RFTN2: variants seen among roughly 807,000 people sequenced by gnomAD.
The protein encoded by RFTN2 is raftlin family member 2.
Under a neutral mutation model 52.7 loss-of-function variants are expected in RFTN2, and 34 were observed. The observed-to-expected ratio is 0.64, with a 90% CI of 0.49 to 0.86. RFTN2 has a LOEUF of 0.86. Among genes scored for constraint, RFTN2 ranks in the 40% least tolerant of loss-of-function variants. The pLI is 0.00. For synonymous variants in RFTN2, 203 were observed against 217.7 expected (o/e 0.93, Z 0.59); for missense variants, 536 against 600.1 (o/e 0.89, Z 1.12).
At chr2:197,593,042 C>T (rs1006546396) in intron 8 of RFTN2, among the ~76,000 whole-genome samples, 1 of 152,260 alleles carries the variant, frequency 6.6e-6, no homozygotes, top group South Asian at 2.1e-4. Flanking sequence ...AAAAATTAAA[C>T]ATTTGTCAAA....
At chr2:197,611,589 G>C (rs918662632) in intron 7 of RFTN2, among the ~76,000 whole-genome samples, 1 of 152,000 alleles carries the variant, frequency 6.6e-6, no homozygotes, top group African/African-American at 2.4e-5. Context: ...CTTTTTGAAG[G>C]GTTTTTTGTG....
chr2:197,581,043 A>T (rs955292511), intron 8 of RFTN2, among the ~76,000 whole-genome samples: 1 of 151,972 alleles, frequency 6.6e-6, no homozygotes, highest in African/African-American at 2.4e-5. Context: ...CTGGCAACCA[A>T]TCACACACTT....
At chr2:197,576,282 T>A (rs892225270) in intron 8 of RFTN2, among the ~76,000 whole-genome samples, 1 of 152,084 alleles carries the variant, frequency 6.6e-6, no homozygotes, top group African/African-American at 2.4e-5. Context: ...CTGGGATTAC[T>A]GGTGTGAGGC....
intron 1 of RFTN2, among the ~76,000 whole-genome samples, chr2:197,651,818 A>C (rs2088831665): frequency 6.6e-6 from 1 of 152,228 alleles, no homozygotes; most frequent in African/African-American, 2.4e-5. Context: ...TGCAAGAAAA[A>C]TAAAGAACTT....
chr2:197,590,782 T>C (rs2087695553), intron 8 of RFTN2, among the ~76,000 whole-genome samples: 1 of 152,216 alleles, frequency 6.6e-6, no homozygotes, highest in South Asian at 2.1e-4. Context: ...GAGTTGTTCG[T>C]TCCTCCCGGT....
intron 1 of RFTN2, among the ~76,000 whole-genome samples, chr2:197,669,096 C>T (rs2089105846): frequency 6.6e-6 from 1 of 152,186 alleles, no homozygotes; most frequent in South Asian, 2.1e-4. Context: ...GTGTGATTAT[C>T]TACTCACTGT....
At chr2:197,633,290 C>T (rs1308038596) in intron 4 of RFTN2, among the ~76,000 whole-genome samples, 1 of 152,116 alleles carries the variant, frequency 6.6e-6, no homozygotes, top group African/African-American at 2.4e-5. Flanking sequence ...CAAAGAAAGC[C>T]AATTAATTTC....
intron 8 of RFTN2, among the ~76,000 whole-genome samples, chr2:197,575,148 T>C (rs1303045787): frequency 2.0e-5 from 3 of 152,104 alleles, no homozygotes; most frequent in Non-Finnish European, 4.4e-5. Context: ...GATCTGATGG[T>C]TTTATAAAGG....
rs144627799 is a variant in RFTN2 at position 197,633,849 on chromosome 2, C to G, written c.587G>C (p.Ser196Thr). ...CCCACTTAACGTCCCTTCATTCCAA[C>G]TTCTACAGTTTTCATCTGAACCGTG... ...VRHGSDENCR[S>T]WNEGTLSGQS... The change falls in exon 4 of 9, where the codon AGT becomes ACT. Residue 196 changes from serine to threonine, a missense_variant. Coordinates refer to ENST00000295049, the MANE Select transcript of RFTN2 (RefSeq NM_144629.3). The G allele has an allele frequency of 4.4e-4, 711 of 1,613,964 alleles. 2 individuals carry two copies. The African/African-American group carries it at 7.4e-3, about 17-fold the overall frequency.
intron 7 of RFTN2, among the ~76,000 whole-genome samples, chr2:197,608,787 C>A (rs184580129): frequency 6.6e-6 from 1 of 151,948 alleles, no homozygotes; most frequent in African/African-American, 2.4e-5. Context: ...CCCCCAGCTC[C>A]CCACCCCACA....
intron 3 of RFTN2, among the ~76,000 whole-genome samples, chr2:197,636,951 T>G (rs1388071881): frequency 3.6e-4 from 54 of 150,564 alleles, no homozygotes; most frequent in Non-Finnish European, 5.9e-4. Flanking sequence ...TAGCATGAAG[T>G]GTTGTTAAAT....
At chr2:197,640,690 G>T (rs1006437362) in intron 3 of RFTN2, among the ~76,000 whole-genome samples, 1 of 151,982 alleles carries the variant, frequency 6.6e-6, no homozygotes, top group African/African-American at 2.4e-5. Flanking sequence ...GAAATCACCC[G>T]TCTTCTGCGT....
intron 5 of RFTN2, among the ~76,000 whole-genome samples, chr2:197,628,685 C>A (rs1310396746): frequency 6.6e-6 from 1 of 152,054 alleles, no homozygotes; most frequent in Non-Finnish European, 1.5e-5. Flanking sequence ...ATGATCCACA[C>A]TAAAAGTACT....
chr2:197,655,126 T>C (rs1266724617), intron 1 of RFTN2, among the ~76,000 whole-genome samples: 1 of 152,224 alleles, frequency 6.6e-6, no homozygotes, highest in African/African-American at 2.4e-5. Flanking sequence ...GTCATCCCCC[T>C]TTCATTCTGT....
intron 1 of RFTN2, among the ~76,000 whole-genome samples, chr2:197,652,922 C>G (rs1229015652): frequency 6.6e-6 from 1 of 152,146 alleles, no homozygotes; most frequent in Non-Finnish European, 1.5e-5. Context: ...AATTATAAGC[C>G]AAGAGTTAAT....
chr2:197,626,614 CTTCTTTTTTT>C (rs1384769524), intron 5 of RFTN2, among the ~76,000 whole-genome samples: 2 of 97,592 alleles, frequency 2.0e-5, no homozygotes, highest in South Asian at 3.4e-4. Context: ...AAGGAATAAT[CTTCTTTTTTT>C]TTTTTTTTTT....
At chr2:197,592,399 TG>T (rs763492532) in intron 8 of RFTN2, among the ~76,000 whole-genome samples, 1 of 152,206 alleles carries the variant, frequency 6.6e-6, no homozygotes, top group Non-Finnish European at 1.5e-5. Flanking sequence ...TTTTCCATGT[TG>T]GTCAGGCGGG....
intron 5 of RFTN2, among the ~76,000 whole-genome samples, chr2:197,625,663 T>TCTCTCCTCTCCTCTCCTCTC (rs745983424): frequency 7.2e-4 from 34 of 47,412 alleles, no homozygotes; most frequent in African/African-American, 2.6e-3. Context: ...AAGAAATTCC[T>TCTCTCCTCTCCTCTCCTCTC]CTCTCCTCTC....
chr2:197,608,623 C>CTTTTTTTTT (rs57681105), intron 7 of RFTN2, among the ~76,000 whole-genome samples: 1 of 99,490 alleles, frequency 1.0e-5, no homozygotes, highest in Non-Finnish European at 2.0e-5. Context: ...TGGGACCAGA[C>CTTTTTTTTT]TTTTTTTTTT....
Sources: gnomAD v4.1 joint callset for allele counts (sites outside exome capture counted in the v4.1 genomes callset) on GRCh38, gnomAD v4.1.1 for gene constraint, MANE v1.5 for transcripts, NCBI Gene and HGNC (gene_info 2026-07-23, HGNC 2026-07-21) for gene names.